The following SSU72L5 variants were observed in gnomAD, a reference collection of about 807,000 sequenced individuals.
The protein encoded by SSU72L5 is RNA polymerase II subunit A C-terminal domain phosphatase SSU72 like protein 5.
chr11:4,234,091 G>T, the SSU72L5 span, among the ~76,000 whole-genome samples: 254 of 135,046 alleles, frequency 1.9e-3, no homozygotes, highest in African/African-American at 7.5e-3. Flanking sequence ...TTGGCATTGT[G>T]CTAGGTGCAT....
chr11:4,234,283 C>G, the SSU72L5 span, among the ~76,000 whole-genome samples: 2 of 141,098 alleles, frequency 1.4e-5, no homozygotes, highest in East Asian at 4.2e-4. Flanking sequence ...AATTCCTTTT[C>G]TCAATTTGAG....
chr11:4,234,046 G>T, the SSU72L5 span, among the ~76,000 whole-genome samples: 52 of 131,366 alleles, frequency 4.0e-4, no homozygotes, highest in Non-Finnish European at 5.5e-4. Context: ...TGGGAAATGA[G>T]AAGGACTAAC....
At chr11:4,234,049 G>C in the SSU72L5 span, among the ~76,000 whole-genome samples, 1 of 131,428 alleles carries the variant, frequency 7.6e-6, no homozygotes, top group Admixed American at 7.7e-5. Flanking sequence ...GAAATGAGAA[G>C]GACTAACATT....
the SSU72L5 span, among the ~76,000 whole-genome samples, chr11:4,234,184 C>T: frequency 1.4e-5 from 2 of 141,506 alleles, no homozygotes; most frequent in African/African-American, 2.8e-5. Flanking sequence ...ATGAGCAAAC[C>T]GAGCTGATAA....
the SSU72L5 span, chr11:4,233,838 G>A: frequency 1.8e-6 from 1 of 544,050 alleles, no homozygotes; most frequent in Non-Finnish European, 3.1e-6. Context: ...GAGAAGGCAG[G>A]AAAAAGCTTT....
chr11:4,234,067 G>A, the SSU72L5 span, among the ~76,000 whole-genome samples: 1 of 132,194 alleles, frequency 7.6e-6, no homozygotes, highest in African/African-American at 3.1e-5. Flanking sequence ...ATTTTTAAAA[G>A]CACTGAAAAA....
At chr11:4,234,052 C>G in the SSU72L5 span, among the ~76,000 whole-genome samples, 5 of 131,722 alleles carry the variant, frequency 3.8e-5, no homozygotes, top group African/African-American at 1.6e-4. Context: ...ATGAGAAGGA[C>G]TAACATTTTT....
chr11:4,233,220 C>T, the SSU72L5 span: 416 of 529,488 alleles, frequency 7.9e-4, 11 homozygotes, highest in South Asian at 0.012. Flanking sequence ...AGGTGGTCGT[C>T]TCCTCGGCTC....
chr11:4,234,070 C>A, the SSU72L5 span, among the ~76,000 whole-genome samples: 4 of 132,428 alleles, frequency 3.0e-5, 1 homozygote, highest in African/African-American at 1.2e-4. Flanking sequence ...TTTAAAAGCA[C>A]TGAAAAATGC....
chr11:4,233,266 C>G, the SSU72L5 span: 3 of 520,782 alleles, frequency 5.8e-6, no homozygotes, highest in Non-Finnish European at 1.0e-5. Context: ...CTGTGTCTCT[C>G]TGGTTCCCAG....
the SSU72L5 span, chr11:4,233,544 G>T: frequency 1.5e-6 from 1 of 659,178 alleles, no homozygotes; most frequent in African/African-American, 2.0e-5. Flanking sequence ...CACATCTTGG[G>T]AAGAAATGAG....
chr11:4,233,747 C>G, the SSU72L5 span: 1 of 581,350 alleles, frequency 1.7e-6, no homozygotes, highest in African/African-American at 2.4e-5. Context: ...GGGAGCTTTC[C>G]TCATCTGTGA....
chr11:4,233,969 T>A, the SSU72L5 span: 3 of 445,566 alleles, frequency 6.7e-6, no homozygotes, highest in Non-Finnish European at 7.6e-6. Flanking sequence ...GACCTTCCAC[T>A]GAGTACTGTT....
At chr11:4,234,162 G>A in the SSU72L5 span, among the ~76,000 whole-genome samples, 17 of 141,834 alleles carry the variant, frequency 1.2e-4, no homozygotes, top group South Asian at 1.4e-3. Flanking sequence ...CCACCATGAC[G>A]CCATTTTCCA....
chr11:4,233,232 G>C, the SSU72L5 span: 23,968 of 515,810 alleles, frequency 0.046, 799 homozygotes, highest in East Asian at 0.13. Flanking sequence ...CCTCGGCTCC[G>C]AGACCCTGCA....
chr11:4,233,219 T>A, the SSU72L5 span: 3 of 529,888 alleles, frequency 5.7e-6, no homozygotes, highest in South Asian at 6.3e-5. Context: ...TAGGTGGTCG[T>A]CTCCTCGGCT....
chr11:4,234,134 T>C, the SSU72L5 span, among the ~76,000 whole-genome samples: 1 of 141,728 alleles, frequency 7.1e-6, no homozygotes, highest in Non-Finnish European at 1.5e-5. Flanking sequence ...GCTTATATCA[T>C]TCTACAAGGA....
At chr11:4,233,232 G>A in the SSU72L5 span, 5 of 518,892 alleles carry the variant, frequency 9.6e-6, no homozygotes, top group East Asian at 3.1e-5. Flanking sequence ...CCTCGGCTCC[G>A]AGACCCTGCA....
the SSU72L5 span, chr11:4,234,012 G>C: frequency 2.6e-6 from 1 of 390,002 alleles, no homozygotes; most frequent in Non-Finnish European, 4.3e-6. Flanking sequence ...CCTGAAAAGA[G>C]ACTATTACCA....
Sources: allele counts gnomAD v4.1 joint callset (sites outside exome capture counted in the v4.1 genomes callset), GRCh38; gene constraint gnomAD v4.1.1; transcripts MANE v1.5; gene names NCBI Gene and HGNC (gene_info 2026-07-23, HGNC 2026-07-21).